The following TMC1 variants were observed in gnomAD, a reference collection of about 807,000 sequenced individuals.
The protein encoded by TMC1 is transmembrane channel like 1.
TMC1 carries 84 observed loss-of-function variants against 105.8 expected under a neutral mutation model. That is an observed-to-expected ratio of 0.79 (90% CI 0.67 to 0.95). The LOEUF is 0.95. Among genes scored for constraint, TMC1 ranks in the 40% least tolerant of loss-of-function variants. The pLI, the probability that TMC1 is intolerant of heterozygous loss-of-function variation, is 0.00. For missense variants in TMC1, 817 were observed against 914.1 expected (o/e 0.89, Z 1.37); for synonymous variants, 315 against 311.5 (o/e 1.01, Z -0.12).
intron 8 of TMC1, among the ~76,000 whole-genome samples, chr9:72,707,852 G>T (rs1212697748): frequency 6.6e-6 from 1 of 152,020 alleles, no homozygotes; most frequent in Non-Finnish European, 1.5e-5. Flanking sequence ...TGTCTAGAAG[G>T]TTTTTTCTGA....
intron 9 of TMC1, chr9:72,741,458 T>C: frequency 3.1e-6 from 1 of 323,666 alleles, no homozygotes; most frequent in Non-Finnish European, 5.9e-6. Flanking sequence ...ACAAAGCACA[T>C]CCATCTTCCA....
At chr9:72,719,355 A>T (rs1389640452) in intron 8 of TMC1, among the ~76,000 whole-genome samples, 1 of 152,102 alleles carries the variant, frequency 6.6e-6, no homozygotes, top group Non-Finnish European at 1.5e-5. Context: ...GAGAACCCAC[A>T]TGGCTTTTCC....
At chr9:72,625,244 C>A (rs1482249513) in intron 3 of TMC1, among the ~76,000 whole-genome samples, 2 of 152,158 alleles carry the variant, frequency 1.3e-5, no homozygotes, top group Non-Finnish European at 2.9e-5. Flanking sequence ...CCCAGGAACA[C>A]CCCTGCAGCT....
At chr9:72,522,386 C>T (rs1390976473) in intron 1 of TMC1, among the ~76,000 whole-genome samples, 1 of 152,166 alleles carries the variant, frequency 6.6e-6, no homozygotes, top group Non-Finnish European at 1.5e-5. Context: ...CAGGCGTGAG[C>T]CACCGCACCT....
intron 5 of TMC1, among the ~76,000 whole-genome samples, chr9:72,658,452 G>A (rs913862326): frequency 3.3e-5 from 5 of 151,958 alleles, no homozygotes; most frequent in African/African-American, 4.8e-5. Context: ...CCTGACATAC[G>A]GGTAGAGTTC....
At chr9:72,570,057 C>G (rs1254741524) in intron 1 of TMC1, among the ~76,000 whole-genome samples, 3 of 152,044 alleles carry the variant, frequency 2.0e-5, no homozygotes, top group African/African-American at 7.2e-5. Flanking sequence ...GAGCAGATTT[C>G]AGAGGAATAT....
intron 18 of TMC1, among the ~76,000 whole-genome samples, chr9:72,807,819 G>T (rs920773515): frequency 6.6e-6 from 1 of 152,202 alleles, no homozygotes; most frequent in Non-Finnish European, 1.5e-5. Flanking sequence ...CATGCATCTG[G>T]CAAGTGGTGG....
At chr9:72,686,149 G>T (rs532544676) in intron 5 of TMC1, among the ~76,000 whole-genome samples, 1 of 152,122 alleles carries the variant, frequency 6.6e-6, no homozygotes, top group Non-Finnish European at 1.5e-5. Flanking sequence ...ATACTTCAAT[G>T]CAGTTTTGCT....
Position 72,623,078 on chromosome 9 carries a change from C to A in TMC1, c.-195-4843C>A, listed in dbSNP as rs7026636. 2.0e-3 allele frequency among the ~76,000 whole-genome samples: 298 copies of A among 145,660 alleles called. 1 individual carries two copies. Among genetic ancestry groups the A allele is most frequent in the African/African-American group, 7.3e-3 (288 of 39,626 alleles). ...AAAAAAAAAACAAACAAAAGAAAAA[C>A]AACAACAACAACAAAAGAAAAAACA... On this transcript the variant is annotated intron_variant, in intron 3 of 23. Coordinates refer to ENST00000297784, the MANE Select transcript of TMC1 (RefSeq NM_138691.3).
At chr9:72,691,353 A>G (rs1826464199) in intron 6 of TMC1, among the ~76,000 whole-genome samples, 1 of 151,854 alleles carries the variant, frequency 6.6e-6, no homozygotes. Flanking sequence ...TGTTTGGGGT[A>G]TGTTTTCCTG....
chr9:72,806,183 C>A (rs550319382), intron 18 of TMC1, among the ~76,000 whole-genome samples: 1 of 149,508 alleles, frequency 6.7e-6, no homozygotes, highest in Non-Finnish European at 1.5e-5. Flanking sequence ...GCTGACCCCC[C>A]ACCTCCCCTC....
At chr9:72,539,001 G>A (rs1191204991) in intron 1 of TMC1, among the ~76,000 whole-genome samples, 1 of 152,086 alleles carries the variant, frequency 6.6e-6, no homozygotes, top group Non-Finnish European at 1.5e-5. Flanking sequence ...CTTGACCAAG[G>A]GGTCCATTCA....
At chr9:72,805,694 T>A (rs573505990) in intron 18 of TMC1, among the ~76,000 whole-genome samples, 184 bp downstream of exon 18, 9 of 151,928 alleles carry the variant, frequency 5.9e-5, no homozygotes, top group Non-Finnish European at 8.8e-5. Context: ...CCCTGCGGCC[T>A]TCCGCAGTGT....
chr9:72,613,132 ATTT>A lies in TMC1; in HGVS notation c.-305-3220_-305-3218del, dbSNP rs10552822. Among the ~76,000 whole-genome samples, 446 of 137,924 alleles carry A rather than the reference ATTT, an allele frequency of 3.2e-3. 2 individuals carry two copies. The highest frequency in any genetic ancestry group is 6.0e-3 in the African/African-American group (223 of 37,178). 90.5% of individuals were successfully genotyped at this position (137,924 alleles called of 152,430 possible). On this transcript the variant is annotated intron_variant, in intron 2 of 23. Transcript: ENST00000297784. ...TAAGTTGTGTTTATTCAGAAATGTG[ATTT>A]TTTTTTTTTTTTTTTGATGGAGTTT...
intron 2 of TMC1, among the ~76,000 whole-genome samples, chr9:72,599,129 C>T (rs192485037): frequency 3.3e-5 from 5 of 152,246 alleles, no homozygotes; most frequent in African/African-American, 1.2e-4. Context: ...CTCCTGGGTT[C>T]AAGCGATTCT....
At chr9:72,641,794 T>C (rs1825632408) in intron 4 of TMC1, among the ~76,000 whole-genome samples, 1 of 149,272 alleles carries the variant, frequency 6.7e-6, no homozygotes, top group Non-Finnish European at 1.5e-5. Context: ...AATATGCTTA[T>C]AAGGTAGTCC....
chr9:72,716,773 G>T (rs559263640), intron 8 of TMC1, among the ~76,000 whole-genome samples: 7 of 152,228 alleles, frequency 4.6e-5, no homozygotes, highest in African/African-American at 1.7e-4. Flanking sequence ...GGCGTGAATG[G>T]TTCTGTCTCA....
chr9:72,717,471 C>T (rs1413616157), intron 8 of TMC1, among the ~76,000 whole-genome samples: 1 of 152,132 alleles, frequency 6.6e-6, no homozygotes, highest in Non-Finnish European at 1.5e-5. Context: ...TTTAGAGCTC[C>T]TTTCAGCAGT....
chr9:72,628,076 C>G lies in TMC1; in HGVS notation c.-53+13C>G. Reference sequence around the variant, plus strand: ...TGCAGAAGGGAAGGTAGTGAGGAGACAGTTAAATATTGAGCACGTTTTGGT... The same window carrying G: ...TGCAGAAGGGAAGGTAGTGAGGAGAGAGTTAAATATTGAGCACGTTTTGGT... On this transcript the variant is annotated intron_variant, in intron 4 of 23. Transcript: ENST00000297784. 1 of 455,670 alleles carries G rather than the reference C, an allele frequency of 2.2e-6. No homozygotes were observed. The highest frequency in any genetic ancestry group is 4.4e-6 in the Non-Finnish European group (1 of 226,780). The allele number at this position is 455,670 out of a possible 1,614,324, so 28.2% of individuals were successfully genotyped here. A position where few individuals can be genotyped will look rare whatever the true frequency, so the allele number is the denominator to read the frequency against.
Sources: gnomAD v4.1 joint callset for allele counts (sites outside exome capture counted in the v4.1 genomes callset) on GRCh38, gnomAD v4.1.1 for gene constraint, MANE v1.5 for transcripts, NCBI Gene and HGNC (gene_info 2026-07-23, HGNC 2026-07-21) for gene names.